The following VAV3 variants were observed in gnomAD, a reference collection of about 807,000 sequenced individuals.
The protein encoded by VAV3 is vav guanine nucleotide exchange factor 3, also known as guanine nucleotide exchange factor VAV3.
Under a neutral mutation model 131.2 loss-of-function variants are expected in VAV3, and 94 were observed. That is an observed-to-expected ratio of 0.72 (90% CI 0.61 to 0.85). VAV3 has a LOEUF of 0.85. Among genes scored for constraint, VAV3 ranks in the 40% least tolerant of loss-of-function variants. The probability of loss-of-function intolerance (pLI) is 0.00; values close to 1 mark genes in which losing one functional copy is unlikely to be tolerated. For synonymous variants in VAV3, 349 were observed against 342.0 expected (o/e 1.02, Z -0.22); for missense variants, 939 against 1,002.7 (o/e 0.94, Z 0.86).
intron 21 of VAV3, among the ~76,000 whole-genome samples, chr1:107,615,109 A>C (rs1464035342): frequency 1.3e-5 from 2 of 152,120 alleles, no homozygotes; most frequent in Non-Finnish European, 2.9e-5. Context: ...ATATAAGACA[A>C]AAAATATGTA....
intron 2 of VAV3, among the ~76,000 whole-genome samples, chr1:107,808,726 A>G (rs1009357678): frequency 1.1e-4 from 17 of 152,106 alleles, no homozygotes; most frequent in African/African-American, 3.9e-4. Context: ...ACATAAGATG[A>G]TTTTCTAGCT....
intron 2 of VAV3, among the ~76,000 whole-genome samples, chr1:107,821,102 T>C (rs1315267103): frequency 6.6e-6 from 1 of 152,208 alleles, no homozygotes; most frequent in Non-Finnish European, 1.5e-5. Flanking sequence ...GAAGATATTA[T>C]AGAAACATTA....
At chr1:107,703,297 C>A (rs1052614139) in intron 17 of VAV3, among the ~76,000 whole-genome samples, 4 of 152,140 alleles carry the variant, frequency 2.6e-5, no homozygotes, top group Non-Finnish European at 5.9e-5. Flanking sequence ...TATTTTACAA[C>A]TCTGTAAACT....
chr1:107,777,181 G>A (rs1391523691), intron 4 of VAV3, 50 bp downstream of exon 4: 1 of 1,508,222 alleles, frequency 6.6e-7, no homozygotes, highest in Admixed American at 1.7e-5. Context: ...AACCCACAAT[G>A]GACACATAAA....
At position 107,602,415 on chromosome 1, in the gene VAV3, T is replaced by C. The variant is rs771321097; in HGVS notation, c.2202A>G (p.Arg734=). Residue 734 remains arginine, a synonymous_variant, in exon 24 of 27, where the codon AGA becomes AGG. Transcript: ENST00000370056. ...RDGFFHIAEN[R]KFKSLMELVE... ...TGCTTACCATTAAACTTTTAAATTT[T>C]CTATTTTCTGCAATGTGAAAAAAGC... The C allele has an allele frequency of 1.3e-6, 2 of 1,571,378 alleles. No individual in the cohort carries two copies. Among genetic ancestry groups the C allele is most frequent in the African/African-American group, 1.4e-5 (1 of 71,794 alleles).
intron 2 of VAV3, among the ~76,000 whole-genome samples, chr1:107,817,632 C>T (rs1394626308): frequency 4.6e-5 from 7 of 151,998 alleles, no homozygotes; most frequent in Non-Finnish European, 8.8e-5. Context: ...AAGTGATGCC[C>T]AGCAATGGCC....
At chr1:107,805,631 A>C (rs1667024183) in intron 2 of VAV3, among the ~76,000 whole-genome samples, 1 of 152,158 alleles carries the variant, frequency 6.6e-6, no homozygotes, top group Non-Finnish European at 1.5e-5. Context: ...CAGAGAGCTC[A>C]CATATTGCTG....
chr1:107,671,152 G>A (rs977521635), intron 19 of VAV3, among the ~76,000 whole-genome samples: 2 of 152,152 alleles, frequency 1.3e-5, no homozygotes, highest in Non-Finnish European at 2.9e-5. Context: ...TCATGTTCAC[G>A]TCCTCTAGAC....
At chr1:107,822,424 G>A (rs1308231598) in intron 2 of VAV3, among the ~76,000 whole-genome samples, 1 of 152,136 alleles carries the variant, frequency 6.6e-6, no homozygotes, top group East Asian at 1.9e-4. Flanking sequence ...GGAGGCCAAG[G>A]CAGGCGGATC....
chr1:107,833,578 A>C (rs1340857302), intron 2 of VAV3, among the ~76,000 whole-genome samples: 1 of 152,132 alleles, frequency 6.6e-6, no homozygotes, highest in African/African-American at 2.4e-5. Context: ...ATTTTTACTT[A>C]TGTATGTCTA....
intron 19 of VAV3, among the ~76,000 whole-genome samples, chr1:107,666,386 G>C (rs1426509505): frequency 6.6e-6 from 1 of 152,086 alleles, no homozygotes; most frequent in Non-Finnish European, 1.5e-5. Flanking sequence ...CTGAAGCAAG[G>C]TGATATCTGC....
chr1:107,956,232 A>C (rs1444110843), intron 1 of VAV3, among the ~76,000 whole-genome samples: 1 of 152,208 alleles, frequency 6.6e-6, no homozygotes, highest in Non-Finnish European at 1.5e-5. Context: ...TAAGATTACG[A>C]GTTGAGAGAA....
chr1:107,664,109 A>G (rs1657237666), intron 19 of VAV3, among the ~76,000 whole-genome samples: 4 of 152,166 alleles, frequency 2.6e-5, no homozygotes, highest in Admixed American at 2.6e-4. Flanking sequence ...TTTAATAAGC[A>G]TACATTAGCT....
Position 107,785,623 on chromosome 1 carries a change from G to A in VAV3, c.322-6131C>T. 6 of 1,143,058 alleles carry A rather than the reference G, an allele frequency of 5.2e-6. No individual in the cohort carries two copies. In the South Asian group the frequency reaches 1.1e-4, roughly 22 times the overall value. The allele number at this position is 1,143,058 out of a possible 1,614,324, so 70.8% of individuals were successfully genotyped here. A position where few individuals can be genotyped will look rare whatever the true frequency, so the allele number is the denominator to read the frequency against. Reference sequence around the variant, plus strand: ...GCACAGATGTTGCATCCTGGTTTCTGAAGGATCAGAGCAAGTGCCCTGTGG... The same window carrying A: ...GCACAGATGTTGCATCCTGGTTTCTAAAGGATCAGAGCAAGTGCCCTGTGG... On this transcript the variant is annotated intron_variant, in intron 2 of 26. Coordinates refer to ENST00000370056, the MANE Select transcript of VAV3 (RefSeq NM_006113.5).
intron 9 of VAV3, among the ~76,000 whole-genome samples, chr1:107,763,934 C>T (rs1230156737): frequency 6.6e-6 from 1 of 150,634 alleles, no homozygotes; most frequent in African/African-American, 2.5e-5. Flanking sequence ...ATAAGCCACA[C>T]GCTGTTAAAT....
At chr1:107,706,147 T>C (rs907024947) in intron 15 of VAV3, among the ~76,000 whole-genome samples, 3 of 152,098 alleles carry the variant, frequency 2.0e-5, no homozygotes, top group Non-Finnish European at 4.4e-5. Flanking sequence ...TAAAATGATA[T>C]GCTCCGAGAC....
At chr1:107,661,054 TAA>T (rs1352016273) in intron 19 of VAV3, among the ~76,000 whole-genome samples, 2 of 152,262 alleles carry the variant, frequency 1.3e-5, no homozygotes, top group East Asian at 3.9e-4. Context: ...AAAAAATCCA[TAA>T]AGACATAGGC....
At chr1:107,706,791 T>C (rs1250712544) in intron 15 of VAV3, among the ~76,000 whole-genome samples, 1 of 152,212 alleles carries the variant, frequency 6.6e-6, no homozygotes, top group Admixed American at 6.5e-5. Flanking sequence ...GTTTGAGTCC[T>C]GGCAACCCGA....
At chr1:107,735,270 C>T (rs377469296) in intron 15 of VAV3, among the ~76,000 whole-genome samples, 51 of 151,692 alleles carry the variant, frequency 3.4e-4, no homozygotes, top group Non-Finnish European at 5.8e-4. Flanking sequence ...GATCTAAAAT[C>T]GACACCCTAA....
Sources: allele counts gnomAD v4.1 joint callset (sites outside exome capture counted in the v4.1 genomes callset), GRCh38; gene constraint gnomAD v4.1.1; transcripts MANE v1.5; gene names NCBI Gene and HGNC (gene_info 2026-07-23, HGNC 2026-07-21).